EEF1AKMT1: variants seen among roughly 807,000 people sequenced by gnomAD.
EEF1AKMT1 encodes the protein N-6 adenine-specific DNA methyltransferase 2 (putative).
A neutral mutation model predicts 21.0 loss-of-function variants in EEF1AKMT1; 18 were observed. The ratio of observed to expected loss-of-function variants is 0.86; its 90% CI spans 0.59 to 1.27. The LOEUF (loss-of-function observed/expected upper bound fraction) is 1.27. EEF1AKMT1 is among the 50% of genes most tolerant of loss of function. EEF1AKMT1 has a pLI of 0.00. For missense variants in EEF1AKMT1, 246 were observed against 258.6 expected (o/e 0.95, Z 0.33); for synonymous variants, 109 against 94.8 (o/e 1.15, Z -0.87).
chr13:20,751,279 T>C (rs2058938755), intron 2 of EEF1AKMT1, among the ~76,000 whole-genome samples: 1 of 152,200 alleles, frequency 6.6e-6, no homozygotes, highest in African/African-American at 2.4e-5. Context: ...CCCTTATGTT[T>C]TTGTCTAGAA....
chr13:20,751,426 G>A (rs1331576660), intron 2 of EEF1AKMT1, among the ~76,000 whole-genome samples: 1 of 152,078 alleles, frequency 6.6e-6, no homozygotes, highest in Non-Finnish European at 1.5e-5. Flanking sequence ...TTGAAGAGGT[G>A]TCCTTTCCCC....
At chr13:20,756,837 CCT>C (rs758234815) in intron 2 of EEF1AKMT1, among the ~76,000 whole-genome samples, 39 of 152,292 alleles carry the variant, frequency 2.6e-4, no homozygotes, top group Non-Finnish European at 5.1e-4. Context: ...TTCACCTTTA[CCT>C]TTTTTGCATA....
chr13:20,732,479 C>T (rs7992525), intron 3 of EEF1AKMT1, among the ~76,000 whole-genome samples: 14,160 of 151,906 alleles, frequency 0.093, 807 homozygotes, highest in Non-Finnish European at 0.13. Flanking sequence ...TACAGGCACG[C>T]GCCACTGCGC....
chr13:20,731,247 A>C (rs1181488784), intron 4 of EEF1AKMT1, among the ~76,000 whole-genome samples: 1 of 152,232 alleles, frequency 6.6e-6, no homozygotes, highest in Non-Finnish European at 1.5e-5. Context: ...CCTTGCCTCA[A>C]GTAATCCTCC....
intron 4 of EEF1AKMT1, among the ~76,000 whole-genome samples, chr13:20,730,509 A>AT (rs568200574): frequency 6.6e-6 from 1 of 151,838 alleles, no homozygotes; most frequent in South Asian, 2.1e-4. Flanking sequence ...AGTTCTCAGA[A>AT]TTTTTTTTTC....
chr13:20,773,479 CG>C (rs1301057524), intron 1 of EEF1AKMT1, among the ~76,000 whole-genome samples: 22 of 152,228 alleles, frequency 1.4e-4, no homozygotes, highest in Admixed American at 1.2e-3. Context: ...CCTCCAGGAG[CG>C]GACAGTCAGG....
intron 1 of EEF1AKMT1, among the ~76,000 whole-genome samples, chr13:20,768,597 C>T (rs2059048097): frequency 6.6e-6 from 1 of 152,118 alleles, no homozygotes; most frequent in Admixed American, 6.5e-5. Flanking sequence ...CTTGGCCTAC[C>T]CAGATTCTCA....
At chr13:20,750,799 C>A (rs2058936078) in intron 2 of EEF1AKMT1, among the ~76,000 whole-genome samples, 1 of 152,142 alleles carries the variant, frequency 6.6e-6, no homozygotes, top group Admixed American at 6.6e-5. Flanking sequence ...TTTACATTCC[C>A]ACCAACGGTG....
intron 3 of EEF1AKMT1, among the ~76,000 whole-genome samples, chr13:20,736,007 G>A (rs953592545): frequency 6.6e-6 from 1 of 151,696 alleles, no homozygotes; most frequent in African/African-American, 2.4e-5. Context: ...AATATTCAAA[G>A]AATAGAAGTT....
At chr13:20,750,075 C>T (rs1435494887) in intron 2 of EEF1AKMT1, among the ~76,000 whole-genome samples, 2 of 152,006 alleles carry the variant, frequency 1.3e-5, no homozygotes, top group Non-Finnish European at 2.9e-5. Context: ...TTTCCAATGT[C>T]TTCTTTCCTA....
At chr13:20,760,417 C>T (rs2058995234) in intron 1 of EEF1AKMT1, among the ~76,000 whole-genome samples, 1 of 152,086 alleles carries the variant, frequency 6.6e-6, no homozygotes, top group Admixed American at 6.5e-5. Flanking sequence ...GGCTATTATC[C>T]TACGTGAATT....
At chr13:20,755,173 G>T (rs2058965330) in intron 2 of EEF1AKMT1, among the ~76,000 whole-genome samples, 1 of 152,212 alleles carries the variant, frequency 6.6e-6, no homozygotes, top group Non-Finnish European at 1.5e-5. Context: ...TGGCAGTGGG[G>T]TTGCTTTGCT....
chr13:20,739,620 C>A (rs981092891), intron 2 of EEF1AKMT1, among the ~76,000 whole-genome samples: 1 of 152,112 alleles, frequency 6.6e-6, no homozygotes, highest in Non-Finnish European at 1.5e-5. Context: ...TAGCTAGACA[C>A]AGAGCACTGA....
intron 2 of EEF1AKMT1, chr13:20,747,425 A>G (rs1277186964): frequency 4.6e-6 from 1 of 217,740 alleles, no homozygotes; most frequent in East Asian, 1.1e-4. Context: ...ATGTTTTCAC[A>G]TAAACGTACC....
chr13:20,768,096 T>C (rs1248274253), intron 1 of EEF1AKMT1, among the ~76,000 whole-genome samples: 2 of 152,250 alleles, frequency 1.3e-5, no homozygotes, highest in Non-Finnish European at 2.9e-5. Flanking sequence ...ATATATCTAT[T>C]CTGGGTCAGT....
intron 3 of EEF1AKMT1, among the ~76,000 whole-genome samples, chr13:20,734,509 C>T (rs1346965382): frequency 6.6e-6 from 1 of 152,212 alleles, no homozygotes; most frequent in Non-Finnish European, 1.5e-5. Flanking sequence ...ACCCTGACAA[C>T]GCACTTACAA....
intron 2 of EEF1AKMT1, among the ~76,000 whole-genome samples, chr13:20,740,303 C>T (rs772260848): frequency 1.9e-4 from 29 of 152,232 alleles, no homozygotes; most frequent in Admixed American, 5.2e-4. Flanking sequence ...TTTCCGCCCA[C>T]GTCTCTCCCT....
In EEF1AKMT1 at chr13:20,757,485, T is replaced by TTTA; in HGVS notation, c.111_113dup (p.Asp37_Lys38insAsn). The TTTA allele has an allele frequency of 1.9e-6, 3 of 1,614,198 alleles. No homozygotes were observed. The highest frequency in any genetic ancestry group is 2.5e-6 in the Non-Finnish European group (3 of 1,180,032). On this transcript the variant is annotated inframe_insertion, in exon 2 of 5. Transcript: ENST00000382758. Reference sequence around the variant, plus strand: ...TCTCTTCTATTATTCCAATGTTATATTTATCATCCTCGCCTGGCTCAATTT... The same window carrying TTTA: ...TCTCTTCTATTATTCCAATGTTATATTTATTATCATCCTCGCCTGGCTCAATTT...
At position 20,769,644 on chromosome 13, in the gene EEF1AKMT1, C is replaced by A. The variant is rs550612145; in HGVS notation, c.-20+4277G>T. Among the ~76,000 whole-genome samples the A allele has an allele frequency of 2.4e-4, 37 of 151,968 alleles. 1 individual carries two copies. Among genetic ancestry groups the A allele is most frequent in the African/African-American group, 8.0e-4 (33 of 41,474 alleles). On this transcript the variant is annotated intron_variant, in intron 1 of 4. Coordinates refer to ENST00000382758, the MANE Select transcript of EEF1AKMT1 (RefSeq NM_001318939.2). ...CCCAGCAAAAGACAGCCTACAAAAT[C>A]AAAAAAACATAACAAAAACCCAGCA...
Sources: allele counts gnomAD v4.1 joint callset (sites outside exome capture counted in the v4.1 genomes callset), GRCh38; gene constraint gnomAD v4.1.1; transcripts MANE v1.5; gene names NCBI Gene and HGNC (gene_info 2026-07-23, HGNC 2026-07-21).